The following FGD4 variants were observed in gnomAD, a reference collection of about 807,000 sequenced individuals.
The protein encoded by FGD4 is FYVE, RhoGEF and PH domain-containing protein 4.
FGD4 carries 42 observed loss-of-function variants against 102.0 expected under a neutral mutation model. That is an observed-to-expected ratio of 0.41 (90% CI 0.32 to 0.53). The LOEUF is 0.53. FGD4 is among the 20% of genes least tolerant of loss of function. FGD4 has a pLI of 0.21. For synonymous variants in FGD4, 380 were observed against 375.7 expected (o/e 1.01, Z -0.13); for missense variants, 902 against 1,078.2 (o/e 0.84, Z 2.29).
Position 32,633,541 on chromosome 12 carries a change from AATTTAAG to A in FGD4, c.2173-7_2173-1del. 3 of 1,612,118 alleles carry A rather than the reference AATTTAAG, an allele frequency of 1.9e-6. No individual in the cohort carries two copies. The highest frequency in any genetic ancestry group is 2.5e-6 in the Non-Finnish European group (3 of 1,178,834). On this transcript the variant is annotated splice_acceptor_variant and splice_polypyrimidine_tract_variant and intron_variant, in intron 14 of 16. Coordinates refer to ENST00000534526, the MANE Select transcript of FGD4 (RefSeq NM_001370298.3). LOFTEE classifies it high-confidence loss of function. Reference sequence around the variant, plus strand: ...ATGATTACTGTTCATTTTTCTTTTAAATTTAAGGTGGTTTGTTGGAAATGCTCCGACT... The same window carrying A: ...ATGATTACTGTTCATTTTTCTTTTAAGTGGTTTGTTGGAAATGCTCCGACT...
At chr12:32,433,431 C>G (rs1446711620) in intron 1 of FGD4, among the ~76,000 whole-genome samples, 1 of 152,122 alleles carries the variant, frequency 6.6e-6, no homozygotes, top group Non-Finnish European at 1.5e-5. Context: ...TCACTGCAAC[C>G]TCTGCCTCCC....
intron 1 of FGD4, among the ~76,000 whole-genome samples, chr12:32,467,786 C>T (rs923717844): frequency 3.3e-5 from 5 of 152,100 alleles, no homozygotes; most frequent in Admixed American, 2.6e-4. Context: ...GAGGCCAAGG[C>T]GGGCAGATCA....
intron 1 of FGD4, among the ~76,000 whole-genome samples, chr12:32,497,519 C>T (rs1412384849): frequency 6.6e-6 from 1 of 152,102 alleles, no homozygotes; most frequent in Non-Finnish European, 1.5e-5. Flanking sequence ...GCTGTTTAGG[C>T]TTTTTGGGTT....
chr12:32,608,424 A>G (rs1948926635), intron 8 of FGD4, among the ~76,000 whole-genome samples: 1 of 152,234 alleles, frequency 6.6e-6, no homozygotes, highest in African/African-American at 2.4e-5. Context: ...TCAGAATTAC[A>G]AGTGCTCCTG....
intron 10 of FGD4, among the ~76,000 whole-genome samples, chr12:32,611,546 C>G (rs1224205157): frequency 1.3e-5 from 2 of 151,996 alleles, no homozygotes; most frequent in African/African-American, 4.8e-5. Flanking sequence ...GAGCTGAGAT[C>G]GTGCCACTGC....
At chr12:32,468,199 A>G (rs1183725148) in intron 1 of FGD4, among the ~76,000 whole-genome samples, 4 of 151,654 alleles carry the variant, frequency 2.6e-5, no homozygotes, top group Non-Finnish European at 5.9e-5. Flanking sequence ...GTGCCTCACT[A>G]TGCCCAGCCA....
intron 1 of FGD4, among the ~76,000 whole-genome samples, chr12:32,551,643 T>G (rs1273689247): frequency 6.6e-6 from 1 of 152,168 alleles, no homozygotes; most frequent in Non-Finnish European, 1.5e-5. Flanking sequence ...ACTGATACAA[T>G]TGGTATCCAA....
chr12:32,576,811 C>CGGAT (rs1265151821), intron 3 of FGD4, among the ~76,000 whole-genome samples: 1 of 152,048 alleles, frequency 6.6e-6, no homozygotes, highest in African/African-American at 2.4e-5. Flanking sequence ...AAAGTCTGAG[C>CGGAT]GGATGCCTCT....
At chr12:32,583,598 C>G (rs1158703777) in intron 4 of FGD4, among the ~76,000 whole-genome samples, 1 of 152,070 alleles carries the variant, frequency 6.6e-6, no homozygotes, top group Non-Finnish European at 1.5e-5. Context: ...ACATTTCTGT[C>G]CTTTCTAAAG....
rs1951246863 is a variant in FGD4, at chr12:32,643,224, A to C, written c.*2691A>C. On this transcript the variant is annotated 3_prime_UTR_variant, in exon 17 of 17. Coordinates refer to ENST00000534526, the MANE Select transcript of FGD4 (RefSeq NM_001370298.3). ...AGTGCAGACTTTTATCTTGGTTTTAAGTGGGGCTCAATAAAAAACACCAGC... is the reference window on the plus strand; with the variant it reads ...AGTGCAGACTTTTATCTTGGTTTTACGTGGGGCTCAATAAAAAACACCAGC... The C allele has an allele frequency of 6.6e-6, 1 of 152,510 alleles. No homozygotes were observed. Among genetic ancestry groups the C allele is most frequent in the Non-Finnish European group, 1.5e-5 (1 of 67,934 alleles). 9.4% of individuals were successfully genotyped at this position (152,510 alleles called of 1,614,324 possible).
At position 32,480,582 on chromosome 12, in the gene FGD4, C is replaced by G. The variant is rs183422632; in HGVS notation, c.166+80623C>G. Among the ~76,000 whole-genome samples, 32 of 151,856 alleles carry G rather than the reference C, an allele frequency of 2.1e-4. No homozygotes were observed. In the East Asian group the frequency reaches 3.5e-3, roughly 17 times the overall value. On this transcript the variant is annotated intron_variant, in intron 1 of 16. Transcript: ENST00000534526. Reference sequence around the variant, plus strand: ...GTGGCGCAATCTCAGCTCACTGCAACCTCCACCTCCCAGGTTGAAGTGATT... The same window carrying G: ...GTGGCGCAATCTCAGCTCACTGCAAGCTCCACCTCCCAGGTTGAAGTGATT...
At chr12:32,508,203 A>AGT (rs1565785997) in intron 1 of FGD4, among the ~76,000 whole-genome samples, 2 of 152,222 alleles carry the variant, frequency 1.3e-5, no homozygotes, top group East Asian at 3.8e-4. Flanking sequence ...TGGGCCAGGA[A>AGT]GTGCAGTCTT....
chr12:32,573,951 GA>G (rs749005389), intron 2 of FGD4, among the ~76,000 whole-genome samples: 1 of 151,698 alleles, frequency 6.6e-6, no homozygotes, highest in Non-Finnish European at 1.5e-5. Flanking sequence ...CCTTGTGGAG[GA>G]AAAAAAACCT....
chr12:32,560,362 G>A (rs1217680146), intron 1 of FGD4, among the ~76,000 whole-genome samples: 1 of 151,984 alleles, frequency 6.6e-6, no homozygotes, highest in Non-Finnish European at 1.5e-5. Flanking sequence ...AGCCATCCTC[G>A]CACCTCGGCC....
At chr12:32,453,235 ATAT>A (rs1565749253) in intron 1 of FGD4, among the ~76,000 whole-genome samples, 586 of 49,720 alleles carry the variant, frequency 0.012, 19 homozygotes, top group South Asian at 0.045. Context: ...AGATATATAT[ATAT>A]TTTTTTTTTT....
chr12:32,402,375 G>A (rs1288445726), intron 1 of FGD4, among the ~76,000 whole-genome samples: 1 of 151,660 alleles, frequency 6.6e-6, no homozygotes, highest in Admixed American at 6.6e-5. Flanking sequence ...TCCAGCCTGG[G>A]CAACAGAGTG....
chr12:32,491,132 T>TAAAAAAAAAAAAA (rs72008264), intron 1 of FGD4, among the ~76,000 whole-genome samples: 1 of 106,562 alleles, frequency 9.4e-6, no homozygotes, highest in Non-Finnish European at 1.8e-5. Flanking sequence ...TTCTGCCAGT[T>TAAAAAAAAAAAAA]AAAAAAAAAA....
At chr12:32,631,300 G>A (rs1950486387) in intron 14 of FGD4, among the ~76,000 whole-genome samples, 1 of 152,140 alleles carries the variant, frequency 6.6e-6, no homozygotes, top group Non-Finnish European at 1.5e-5. Flanking sequence ...CCAAGTTAAA[G>A]ATCATAGCCT....
At chr12:32,427,405 T>C (rs1206599200) in intron 1 of FGD4, among the ~76,000 whole-genome samples, 3 of 152,222 alleles carry the variant, frequency 2.0e-5, no homozygotes, top group Non-Finnish European at 4.4e-5. Context: ...TGAGTTCTAA[T>C]TTGATTGCGC....
Sources: gnomAD v4.1 joint callset for allele counts (sites outside exome capture counted in the v4.1 genomes callset) on GRCh38, gnomAD v4.1.1 for gene constraint, MANE v1.5 for transcripts, NCBI Gene and HGNC (gene_info 2026-07-23, HGNC 2026-07-21) for gene names.